Variants in GNB4 observed in about 807,000 individuals in gnomAD.
The protein encoded by GNB4 is G protein subunit beta 4, also known as guanine nucleotide-binding protein subunit beta-4.
Under a neutral mutation model 45.2 loss-of-function variants are expected in GNB4, and 28 were observed. The observed-to-expected ratio is 0.62, with a 90% CI of 0.46 to 0.85. The LOEUF is 0.85. Among genes scored for constraint, GNB4 ranks in the 40% least tolerant of loss-of-function variants. The pLI is 0.00. For synonymous variants in GNB4, 132 were observed against 143.7 expected (o/e 0.92, Z 0.58); for missense variants, 321 against 425.4 (o/e 0.75, Z 2.16).
At chr3:179,420,508 G>A (rs1199019089) in intron 3 of GNB4, among the ~76,000 whole-genome samples, 1 of 150,574 alleles carries the variant, frequency 6.6e-6, no homozygotes, top group Non-Finnish European at 1.5e-5. Flanking sequence ...TCTCGCCCAG[G>A]CTGGAGTACA....
the GNB4 span, among the ~76,000 whole-genome samples, chr3:179,484,557 C>T: frequency 6.6e-6 from 1 of 151,934 alleles, no homozygotes; most frequent in Non-Finnish European, 1.5e-5. Flanking sequence ...GCTCTCATAC[C>T]GTAACCAAAT....
At chr3:179,448,571 T>C (rs1164061466) in intron 1 of GNB4, among the ~76,000 whole-genome samples, 2 of 152,190 alleles carry the variant, frequency 1.3e-5, no homozygotes, top group Non-Finnish European at 2.9e-5. Flanking sequence ...CTCCACATCT[T>C]GTTAATTTTA....
the GNB4 span, among the ~76,000 whole-genome samples, chr3:179,526,778 T>C: frequency 6.0e-4 from 92 of 152,310 alleles, 1 homozygote; most frequent in East Asian, 0.017. Flanking sequence ...TCCTCTCTCT[T>C]TTTCTCATCA....
upstream of GNB4, chr3:179,451,531 T>TGGCTGGAGGCGC (rs1231976860): frequency 2.0e-5 from 3 of 150,044 alleles, no homozygotes; most frequent in African/African-American, 4.9e-5. Context: ...GGCGGGGACG[T>TGGCTGGAGGCGC]GGCTGGAGGC....
intron 8 of GNB4, among the ~76,000 whole-genome samples, chr3:179,408,834 C>G (rs1714556766): frequency 6.7e-6 from 1 of 148,880 alleles, no homozygotes; most frequent in Non-Finnish European, 1.5e-5. Context: ...AAAAGAAACT[C>G]ATAGATCCAA....
At chr3:179,517,870 T>C in the GNB4 span, among the ~76,000 whole-genome samples, 7 of 152,140 alleles carry the variant, frequency 4.6e-5, no homozygotes, top group Admixed American at 4.6e-4. Flanking sequence ...TGCCTGATTA[T>C]TCACCCACGT....
upstream of GNB4, chr3:179,452,454 T>C (rs1213149915): frequency 6.6e-6 from 1 of 152,150 alleles, no homozygotes; most frequent in East Asian, 1.9e-4. Context: ...GCAGAGGAGT[T>C]CTTTGTGGAG....
chr3:179,467,203 T>G, the GNB4 span, among the ~76,000 whole-genome samples: 1 of 152,076 alleles, frequency 6.6e-6, no homozygotes, highest in Non-Finnish European at 1.5e-5. Context: ...TGTTTAGAGA[T>G]GGGCTCACTA....
At chr3:179,485,542 G>A in the GNB4 span, among the ~76,000 whole-genome samples, 1 of 152,116 alleles carries the variant, frequency 6.6e-6, no homozygotes, top group Non-Finnish European at 1.5e-5. Flanking sequence ...CTTAAGTTAT[G>A]AAACATAAAG....
At position 179,426,233 on chromosome 3, in the gene GNB4, G is replaced by C; in HGVS notation, c.-33C>G. On this transcript the variant is annotated 5_prime_UTR_variant, in exon 2 of 10. Transcript: ENST00000232564. Reference sequence around the variant, plus strand: ...ATTTGTTTACCTCAGGAGCTAATGAGTGAAAACAGCTGTTAAAAAACAGAG... The same window carrying C: ...ATTTGTTTACCTCAGGAGCTAATGACTGAAAACAGCTGTTAAAAAACAGAG... 6.6e-7 allele frequency: 1 copy of C among 1,508,306 alleles called. No homozygotes were observed. The highest frequency in any genetic ancestry group is 9.0e-7 in the Non-Finnish European group (1 of 1,109,972). 93.4% of individuals were successfully genotyped at this position (1,508,306 alleles called of 1,614,324 possible).
chr3:179,496,233 G>C, the GNB4 span, among the ~76,000 whole-genome samples: 1 of 152,188 alleles, frequency 6.6e-6, no homozygotes, highest in Admixed American at 6.5e-5. Context: ...TTGAAGTTAA[G>C]TTTTTATTAA....
At chr3:179,487,803 C>T in the GNB4 span, among the ~76,000 whole-genome samples, 3 of 152,258 alleles carry the variant, frequency 2.0e-5, no homozygotes, top group South Asian at 4.1e-4. Context: ...GTAATCCCAG[C>T]ACTTTGGGAG....
chr3:179,437,137 T>C lies in GNB4; in HGVS notation c.-42-10895A>G, dbSNP rs550108454. On this transcript the variant is annotated intron_variant, in intron 1 of 9. Coordinates refer to ENST00000232564, the MANE Select transcript of GNB4 (RefSeq NM_021629.4). ...CATTACCCTAAACCCTAGGGCCAGA[T>C]ATATTTCAGAATTTGGAAGTTTCCA... Among the ~76,000 whole-genome samples, 6 of 152,278 alleles carry C rather than the reference T, an allele frequency of 3.9e-5. No homozygotes were observed. In the South Asian group the frequency reaches 1.2e-3, roughly 32 times the overall value.
chr3:179,482,802 G>T, the GNB4 span, among the ~76,000 whole-genome samples: 1 of 152,174 alleles, frequency 6.6e-6, no homozygotes, highest in Admixed American at 6.5e-5. Flanking sequence ...GGTCACTTAT[G>T]GCAGGTGGAA....
chr3:179,422,360 C>T (rs1715006335), intron 2 of GNB4, among the ~76,000 whole-genome samples: 1 of 151,920 alleles, frequency 6.6e-6, no homozygotes, highest in Non-Finnish European at 1.5e-5. Context: ...GGCGTGATGG[C>T]TCATGCCTAT....
the GNB4 span, among the ~76,000 whole-genome samples, chr3:179,524,916 G>C: frequency 0.095 from 14,424 of 152,112 alleles, 958 homozygotes; most frequent in African/African-American, 0.19. Flanking sequence ...GTGTGAGCAG[G>C]GGAGGGGACA....
intron 5 of GNB4, 47 bp from the exon 6 acceptor site, chr3:179,415,094 C>G (rs1447596325): frequency 7.0e-7 from 1 of 1,428,368 alleles, no homozygotes; most frequent in Non-Finnish European, 9.5e-7. Flanking sequence ...AAACAGTCAT[C>G]TATTGCATAA....
chr3:179,425,116 C>T (rs909564763), intron 2 of GNB4, among the ~76,000 whole-genome samples: 3 of 152,204 alleles, frequency 2.0e-5, no homozygotes, highest in Admixed American at 6.5e-5. Flanking sequence ...CCCTGCTTAC[C>T]GCCAGGCTTC....
chr3:179,405,683 T>A, intron 8 of GNB4: 1 of 323,344 alleles, frequency 3.1e-6, no homozygotes. Context: ...TATGTCATGT[T>A]GAAACATTTA....
Sources: allele counts gnomAD v4.1 joint callset (sites outside exome capture counted in the v4.1 genomes callset), GRCh38; gene constraint gnomAD v4.1.1; transcripts MANE v1.5; gene names NCBI Gene and HGNC (gene_info 2026-07-23, HGNC 2026-07-21).